The following TMEM120A variants were observed in gnomAD, a reference collection of about 807,000 sequenced individuals.
TMEM120A encodes the protein ion channel TACAN.
Under a neutral mutation model 54.3 loss-of-function variants are expected in TMEM120A, and 45 were observed. The ratio of observed to expected loss-of-function variants is 0.83; its 90% CI spans 0.65 to 1.06. The LOEUF (loss-of-function observed/expected upper bound fraction) is 1.06. Among genes scored for constraint, TMEM120A ranks in the 50% least tolerant of loss-of-function variants. The probability of loss-of-function intolerance (pLI) is 0.00; values close to 1 mark genes in which losing one functional copy is unlikely to be tolerated. For missense variants in TMEM120A, 424 were observed against 441.7 expected (o/e 0.96, Z 0.36); for synonymous variants, 204 against 178.5 (o/e 1.14, Z -1.14).
chr7:75,992,118 C>CTGGGGG, intron 3 of TMEM120A, 26 bp downstream of exon 3: 1 of 1,528,146 alleles, frequency 6.5e-7, no homozygotes, highest in Non-Finnish European at 8.9e-7. Context: ...GTGAACTGAG[C>CTGGGGG]TGGGGGTGGC....
Position 75,987,998 on chromosome 7 carries a change from T to C in TMEM120A, c.630-14A>G, listed in dbSNP as rs1336138798. The C allele has an allele frequency of 1.6e-5, 26 of 1,597,504 alleles. No homozygotes were observed. The highest frequency in any genetic ancestry group is 2.1e-5 in the Non-Finnish European group (25 of 1,172,800). On this transcript the variant is annotated splice_polypyrimidine_tract_variant and intron_variant, in intron 7 of 11. Transcript: ENST00000493111. ...AGACCGTCGGGCCTAAGGTAAAAAG[T>C]GGAGGGCAGTGTGGGGACCCTTGGG...
At position 75,986,858 on chromosome 7, in the gene TMEM120A, T is replaced by G. The variant is rs1789510393; in HGVS notation, c.*314A>C. On this transcript the variant is annotated 3_prime_UTR_variant, in exon 12 of 12. Coordinates refer to ENST00000493111, the MANE Select transcript of TMEM120A (RefSeq NM_031925.3). Reference sequence around the variant, plus strand: ...GGAATAAAGTTCTGTTTTCTGTATTTGCCTGGTATTGTGTGAGTAGATCTG... The same window carrying G: ...GGAATAAAGTTCTGTTTTCTGTATTGGCCTGGTATTGTGTGAGTAGATCTG... 1.7e-6 allele frequency: 1 copy of G among 576,412 alleles called. No individual in the cohort carries two copies. 35.7% of individuals were successfully genotyped at this position (576,412 alleles called of 1,614,324 possible).
rs538219802 is a variant in TMEM120A at position 75,988,287 on chromosome 7, G to A, written c.528C>T (p.Thr176=). ...FLLVWYYCTL[T]IRESILINNG... is the part of the protein sequence containing the mutation. ...TGTTGATGAGGATGCTCTCCCGGAT[G>A]GTCAGGGTGCAGTAGTACCAGACCA... Residue 176 remains threonine, a synonymous_variant, in exon 6 of 12, where the codon ACC becomes ACT. Coordinates refer to ENST00000493111, the MANE Select transcript of TMEM120A (RefSeq NM_031925.3). The A allele has an allele frequency of 8.7e-6, 14 of 1,612,278 alleles. No homozygotes were observed. In the South Asian group the frequency reaches 1.3e-4, roughly 15 times the overall value.
Position 75,987,190 on chromosome 7 carries a change from G to T in TMEM120A, c.1014C>A (p.His338Gln), listed in dbSNP as rs782424990. 1 of 1,603,832 alleles carries T rather than the reference G, an allele frequency of 6.2e-7. No homozygotes were observed. The highest frequency in any genetic ancestry group is 8.5e-7 in the Non-Finnish European group (1 of 1,175,986). Residue 338 changes from histidine to glutamine, a missense_variant, in exon 12 of 12, where the codon CAC becomes CAA. Transcript: ENST00000493111. ...CCCAGCCTCAATCCTTCTTGCTCCC[G>T]TGCCGCTGACTGTGAAACTTGTGGT... ...VVHHKFHSQR[H>Q]GSKKD
In TMEM120A at chr7:75,992,050, G is replaced by A. The variant is rs529091162; in HGVS notation, c.317+94C>T. 7.8e-5 allele frequency: 69 copies of A among 881,354 alleles called. No homozygotes were observed. The East Asian group carries it at 1.4e-3, about 18-fold the overall frequency. 54.6% of individuals were successfully genotyped at this position (881,354 alleles called of 1,614,324 possible). On this transcript the variant is annotated intron_variant, in intron 3 of 11. Coordinates refer to ENST00000493111, the MANE Select transcript of TMEM120A (RefSeq NM_031925.3). ...ATTGCTCAGCCTGTACTGGGCCCAG[G>A]GAACATTTGCTGACTATAATGACCA...
At chr7:75,987,516 G>A in intron 10 of TMEM120A, 22 bp downstream of exon 10, 2 of 1,576,814 alleles carry the variant, frequency 1.3e-6, no homozygotes, top group Non-Finnish European at 8.6e-7. Flanking sequence ...CAGACAGGCA[G>A]GGACACAGAG....
intron 11 of TMEM120A, 33 bp downstream of exon 11, chr7:75,987,327 C>T (rs1789557148): frequency 1.3e-6 from 2 of 1,566,150 alleles, no homozygotes; most frequent in East Asian, 4.8e-5. Context: ...GGGCCTGGCC[C>T]CCCATCCATC....
chr7:75,989,258 C>A, intron 3 of TMEM120A, 34 bp from the exon 4 acceptor site: 2 of 1,437,772 alleles, frequency 1.4e-6, no homozygotes, highest in Non-Finnish European at 9.6e-7. Flanking sequence ...AGGAGAAGCC[C>A]GAGTGACAGA....
Position 75,992,224 on chromosome 7 carries a change from G to A in TMEM120A, c.237C>T (p.Ala79=), listed in dbSNP as rs201468904. The stretch of plus-strand genomic sequence containing the variant: ...TCATCTGGTTCTCCAGCTCCTGTGC[G>A]GCCCCCTCGGCCTCTGCTGGGAGGG... ...KPSLPAEAEG[A]AQELENQMKE... The change falls in exon 3 of 12, where the codon GCC becomes GCT. Residue 79 remains alanine, a synonymous_variant. Coordinates refer to ENST00000493111, the MANE Select transcript of TMEM120A (RefSeq NM_031925.3). The A allele has an allele frequency of 2.6e-3, 4,259 of 1,611,606 alleles. 15 individuals carry two copies. Among genetic ancestry groups the A allele is most frequent in the African/African-American group, 3.2e-3 (239 of 74,990 alleles).
At chr7:75,988,571 C>T (rs542393996) in intron 4 of TMEM120A, 55 bp from the exon 5 acceptor site, 45 of 1,344,306 alleles carry the variant, frequency 3.3e-5, no homozygotes, top group Admixed American at 7.3e-5. Context: ...CCATGTGTGC[C>T]CCCACCCCGG....
intron 4 of TMEM120A, 56 bp from the exon 5 acceptor site, chr7:75,988,572 C>CCA: frequency 7.5e-7 from 1 of 1,330,860 alleles, no homozygotes; most frequent in Non-Finnish European, 1.1e-6. Context: ...CATGTGTGCC[C>CCA]CCACCCCGGG....
intron 1 of TMEM120A, 44 bp from the exon 2 acceptor site, chr7:75,992,601 T>C (rs1554562142): frequency 6.9e-7 from 1 of 1,441,060 alleles, no homozygotes; most frequent in South Asian, 1.2e-5. Context: ...GGGGAGCTAC[T>C]GAGCCAGAGC....
Position 75,987,291 on chromosome 7 carries a change from G to T in TMEM120A, c.919-6C>A. The T allele has an allele frequency of 6.3e-7, 1 of 1,590,136 alleles. No individual in the cohort carries two copies. Among genetic ancestry groups the T allele is most frequent in the East Asian group, 2.3e-5 (1 of 43,602 alleles). On this transcript the variant is annotated splice_polypyrimidine_tract_variant and splice_region_variant and intron_variant, in intron 11 of 11. Coordinates refer to ENST00000493111, the MANE Select transcript of TMEM120A (RefSeq NM_031925.3). ...GGAAAGCCGCACATAAGCACCTGCC[G>T]GAGGAATAGGGTGAGGGCTGGACAT...
At chr7:75,987,668 G>C in intron 9 of TMEM120A, 50 bp downstream of exon 9, 1 of 1,607,056 alleles carries the variant, frequency 6.2e-7, no homozygotes, top group Non-Finnish European at 8.5e-7. Context: ...CTCAGACCCG[G>C]GATGGGAGGA....
rs1789587468 is a variant in TMEM120A, at chr7:75,987,722, A to C, written c.780T>G (p.Thr260=). ...ALGERHTMDL[T]VEGFQSWMWR... is the part of the protein sequence containing the mutation. The stretch of plus-strand genomic sequence containing the variant: ...CCAGGGCCACTCCCGACTCACCCAC[A>C]GTGAGGTCCATGGTGTGCCGCTCGC... The change falls in exon 9 of 12, where the codon ACT becomes ACG. Residue 260 remains threonine (T), a synonymous_variant. Coordinates refer to ENST00000493111, the MANE Select transcript of TMEM120A (RefSeq NM_031925.3). 6.2e-7 allele frequency: 1 copy of C among 1,612,300 alleles called. No homozygotes were observed. Among genetic ancestry groups the C allele is most frequent in the Non-Finnish European group, 8.5e-7 (1 of 1,179,736 alleles).
chr7:75,988,633 G>A, intron 4 of TMEM120A, 117 bp from the exon 5 acceptor site: 1 of 341,128 alleles, frequency 2.9e-6, no homozygotes, highest in Non-Finnish European at 5.1e-6. Context: ...CGGGTTGGGG[G>A]GTGGAGGGGA....
At chr7:75,988,196 G>A (rs1044127445) in intron 6 of TMEM120A, 48 bp from the exon 7 acceptor site, 14 of 1,611,312 alleles carry the variant, frequency 8.7e-6, no homozygotes, top group East Asian at 2.2e-5. Flanking sequence ...CCTGCTTCCC[G>A]GAGGGTCCTG....
At chr7:75,993,780 T>C (rs1436391337) in intron 1 of TMEM120A, among the ~76,000 whole-genome samples, 3 of 152,104 alleles carry the variant, frequency 2.0e-5, no homozygotes, top group African/African-American at 7.2e-5. Flanking sequence ...CACCGCCCTC[T>C]TCCCTGCCTG....
chr7:75,988,518 T>TG lies in TMEM120A; in HGVS notation c.378-3dup. On this transcript the variant is annotated splice_region_variant and splice_polypyrimidine_tract_variant and intron_variant, in intron 4 of 11. Coordinates refer to ENST00000493111, the MANE Select transcript of TMEM120A (RefSeq NM_031925.3). ...TCATACTCGTCCTTGTAGGCAAACC[T>TG]GGGGGGCGCAGGCCGGTGAGACGGG... is the stretch of plus-strand genomic sequence containing the variant. 1.3e-6 allele frequency: 2 copies of TG among 1,596,126 alleles called. No homozygotes were observed. The highest frequency in any genetic ancestry group is 1.7e-6 in the Non-Finnish European group (2 of 1,174,724).
Sources: gnomAD v4.1 joint callset for allele counts (sites outside exome capture counted in the v4.1 genomes callset) on GRCh38, gnomAD v4.1.1 for gene constraint, MANE v1.5 for transcripts, NCBI Gene and HGNC (gene_info 2026-07-23, HGNC 2026-07-21) for gene names.